The following DENND1A variants were observed in gnomAD, a reference collection of about 807,000 sequenced individuals.
The protein encoded by DENND1A is DENN domain containing 1A, also known as DENN domain-containing protein 1A.
DENND1A carries 51 observed loss-of-function variants against 113.7 expected under a neutral mutation model. The ratio of observed to expected loss-of-function variants is 0.45; its 90% CI spans 0.36 to 0.57. DENND1A has a LOEUF of 0.57. DENND1A is among the 20% of genes least tolerant of loss of function. The pLI is 0.00. For synonymous variants in DENND1A, 565 were observed against 570.8 expected (o/e 0.99, Z 0.14); for missense variants, 1,258 against 1,395.9 (o/e 0.90, Z 1.57).
chr9:123,683,434 T>C (rs2064600063), intron 5 of DENND1A, among the ~76,000 whole-genome samples: 1 of 152,212 alleles, frequency 6.6e-6, no homozygotes, highest in South Asian at 2.1e-4. Context: ...GAACTGTTAT[T>C]AAGTCAGAAA....
chr9:123,531,578 C>A (rs1274121829), intron 13 of DENND1A, among the ~76,000 whole-genome samples: 1 of 145,944 alleles, frequency 6.9e-6, no homozygotes, highest in African/African-American at 2.5e-5. Flanking sequence ...CACACACACA[C>A]ACACACACAC....
At chr9:123,777,937 A>G (rs1234029055) in intron 3 of DENND1A, among the ~76,000 whole-genome samples, 1 of 152,220 alleles carries the variant, frequency 6.6e-6, no homozygotes, top group African/African-American at 2.4e-5. Flanking sequence ...ATTTCCTACA[A>G]CTTGCAGATT....
chr9:123,910,760 T>C (rs1316803045), intron 1 of DENND1A, among the ~76,000 whole-genome samples: 2 of 152,104 alleles, frequency 1.3e-5, no homozygotes, highest in African/African-American at 4.8e-5. Flanking sequence ...GACAACATGG[T>C]GAAACCCTGT....
chr9:123,699,688 CTTT>C (rs34215948), intron 5 of DENND1A, among the ~76,000 whole-genome samples: 4 of 112,414 alleles, frequency 3.6e-5, no homozygotes, highest in South Asian at 3.0e-4. Flanking sequence ...TTCTTTCTTT[CTTT>C]TTTTTTTTTT....
intron 2 of DENND1A, among the ~76,000 whole-genome samples, chr9:123,853,172 C>A (rs1446932590): frequency 2.6e-5 from 4 of 151,306 alleles, no homozygotes; most frequent in Non-Finnish European, 5.9e-5. Context: ...CCGGTCTCAG[C>A]CTCCCAAAGT....
At chr9:123,894,571 T>C (rs1850421229) in intron 1 of DENND1A, among the ~76,000 whole-genome samples, 1 of 152,222 alleles carries the variant, frequency 6.6e-6, no homozygotes, top group Non-Finnish European at 1.5e-5. Context: ...GTGGTCCTGA[T>C]TATCAGCGGA....
intron 8 of DENND1A, among the ~76,000 whole-genome samples, chr9:123,662,214 C>CA: frequency 6.6e-6 from 1 of 152,174 alleles, no homozygotes; most frequent in Non-Finnish European, 1.5e-5. Flanking sequence ...GAAACATCTT[C>CA]AAAGTTGGGA....
At chr9:123,906,303 A>C (rs1564483069) in intron 1 of DENND1A, among the ~76,000 whole-genome samples, 1 of 136,258 alleles carries the variant, frequency 7.3e-6, no homozygotes, top group Admixed American at 6.8e-5. Flanking sequence ...AAGAACTAGA[A>C]AAGCAAGAGC....
intron 5 of DENND1A, among the ~76,000 whole-genome samples, chr9:123,716,933 A>G (rs1406168977): frequency 6.6e-6 from 1 of 152,230 alleles, no homozygotes; most frequent in African/African-American, 2.4e-5. Flanking sequence ...TGAACCGTTA[A>G]GTGCAAATGA....
rs117685505 is a variant in DENND1A at position 123,584,149 on chromosome 9, G to T, written c.766-879C>A. On this transcript the variant is annotated intron_variant, in intron 11 of 23. Coordinates refer to ENST00000394215, the MANE Select transcript of DENND1A (RefSeq NM_001352964.2). Reference sequence around the variant, plus strand: ...CCTCCTTCCCCATCACGTATCAAGCGTATTCCTTTTGAGTCAGAGGCATTA... The same window carrying T: ...CCTCCTTCCCCATCACGTATCAAGCTTATTCCTTTTGAGTCAGAGGCATTA... 7.5e-3 allele frequency among the ~76,000 whole-genome samples: 1,144 copies of T among 152,248 alleles called. 19 individuals carry two copies. The highest frequency in any genetic ancestry group is 7.5e-3 in the Non-Finnish European group (509 of 68,020).
chr9:123,487,215 G>A (rs753929962), intron 13 of DENND1A, among the ~76,000 whole-genome samples: 4 of 152,240 alleles, frequency 2.6e-5, no homozygotes, highest in Non-Finnish European at 4.4e-5. Flanking sequence ...AGTCCGGGAT[G>A]TCTCAGTTAT....
intron 2 of DENND1A, among the ~76,000 whole-genome samples, chr9:123,818,519 T>TACACACACAC (rs1215014185): frequency 2.7e-5 from 3 of 112,242 alleles, no homozygotes; most frequent in Non-Finnish European, 5.2e-5. Context: ...TACATACATA[T>TACACACACAC]ACACACACAC....
chr9:123,740,492 G>A (rs556839894), intron 5 of DENND1A, among the ~76,000 whole-genome samples: 2 of 152,194 alleles, frequency 1.3e-5, no homozygotes, highest in South Asian at 4.2e-4. Context: ...AATGAGCAAG[G>A]AGATCTGTAG....
At chr9:123,440,533 G>T (rs758572158) in intron 18 of DENND1A, 42 bp from the exon 19 acceptor site, 36 of 1,522,120 alleles carry the variant, frequency 2.4e-5, no homozygotes, top group South Asian at 1.3e-5. Context: ...CTGGGGTTCT[G>T]GCACCCATGT....
chr9:123,420,516 G>A (rs951838653), intron 19 of DENND1A, among the ~76,000 whole-genome samples: 19 of 152,284 alleles, frequency 1.2e-4, no homozygotes, highest in African/African-American at 2.2e-4. Context: ...CGGAGAGAGC[G>A]CGCTCAGGAT....
At chr9:123,842,063 A>G (rs1019784957) in intron 2 of DENND1A, among the ~76,000 whole-genome samples, 1 of 152,224 alleles carries the variant, frequency 6.6e-6, no homozygotes, top group Non-Finnish European at 1.5e-5. Flanking sequence ...AATTCCCAAG[A>G]AACAATTTGT....
At chr9:123,672,407 G>C (rs1339673781) in intron 6 of DENND1A, among the ~76,000 whole-genome samples, 2 of 148,514 alleles carry the variant, frequency 1.3e-5, no homozygotes, top group Admixed American at 1.3e-4. Flanking sequence ...AGAAATTGTT[G>C]AAAAAAAAAA....
At chr9:123,595,334 C>T (rs1028703425) in intron 11 of DENND1A, among the ~76,000 whole-genome samples, 1 of 152,146 alleles carries the variant, frequency 6.6e-6, no homozygotes, top group Admixed American at 6.5e-5. Flanking sequence ...CCTTTCCTGG[C>T]CATCGATCCA....
chr9:123,921,567 G>A (rs1316475689), intron 1 of DENND1A, among the ~76,000 whole-genome samples: 1 of 152,124 alleles, frequency 6.6e-6, no homozygotes, highest in Non-Finnish European at 1.5e-5. Flanking sequence ...TTCAAAAGGT[G>A]GTTTTTCTTT....
Sources: gnomAD v4.1 joint callset for allele counts (sites outside exome capture counted in the v4.1 genomes callset) on GRCh38, gnomAD v4.1.1 for gene constraint, MANE v1.5 for transcripts, NCBI Gene and HGNC (gene_info 2026-07-23, HGNC 2026-07-21) for gene names.